RELN: variants seen among roughly 807,000 people sequenced by gnomAD.
RELN encodes the protein reelin.
A neutral mutation model predicts 427.6 loss-of-function variants in RELN; 108 were observed. The ratio of observed to expected loss-of-function variants is 0.25; its 90% CI spans 0.22 to 0.30. RELN has a LOEUF of 0.30. Ranked by LOEUF, RELN falls within the 10% of genes least tolerant of loss-of-function variation. RELN has a pLI of 1.00. For synonymous variants in RELN, 1,524 were observed against 1,513.4 expected (o/e 1.01, Z -0.16); for missense variants, 3,715 against 4,302.8 (o/e 0.86, Z 3.82).
At chr7:103,579,764 G>C (rs1584314239) in intron 28 of RELN, among the ~76,000 whole-genome samples, 1 of 152,122 alleles carries the variant, frequency 6.6e-6, no homozygotes, top group East Asian at 1.9e-4. Flanking sequence ...GGATGCCTAA[G>C]TGAATCGATT....
rs923437719 is a variant in RELN at position 103,917,611 on chromosome 7, G to A, written c.227-426C>T. On this transcript the variant is annotated intron_variant, in intron 1 of 64. Transcript: ENST00000428762. The stretch of plus-strand genomic sequence containing the variant: ...AACAACTATACATCAGCTGAAAGAA[G>A]AACAGTAAGATGAACCACATTTCTT... Among the ~76,000 whole-genome samples, 4 of 150,434 alleles carry A rather than the reference G, an allele frequency of 2.7e-5. 1 individual carries two copies. In the South Asian group the frequency reaches 6.3e-4, roughly 24 times the overall value.
chr7:103,845,959 C>T (rs1049617506), intron 2 of RELN, among the ~76,000 whole-genome samples: 1 of 152,158 alleles, frequency 6.6e-6, no homozygotes, highest in Non-Finnish European at 1.5e-5. Context: ...ACATTCCATG[C>T]TCATGGATAG....
At position 103,784,441 on chromosome 7, in the gene RELN, C is replaced by A. The variant is rs1003334203; in HGVS notation, c.474-7814G>T. On this transcript the variant is annotated intron_variant, in intron 3 of 64. Transcript: ENST00000428762. The stretch of plus-strand genomic sequence containing the variant: ...ACCTGGCGTAAGCATGTGAAAGCAT[C>A]CACATTTCGAAAACTGAATGCAGGA... 1.6e-4 allele frequency among the ~76,000 whole-genome samples: 25 copies of A among 152,128 alleles called. 1 individual carries two copies. Among genetic ancestry groups the A allele is most frequent in the Admixed American group, 1.6e-3 (25 of 15,254 alleles).
Position 103,968,134 on chromosome 7 carries a change from A to G in RELN, c.226+20997T>C, listed in dbSNP as rs1394232931. On this transcript the variant is annotated intron_variant, in intron 1 of 64. Coordinates refer to ENST00000428762, the MANE Select transcript of RELN (RefSeq NM_005045.4). This position sits in a 1 kb window ranked among gnomAD's most constrained non-coding sequence, Gnocchi z 4.3. Reference sequence around the variant, plus strand: ...ACTTGTATTTCATTGATCAAACAGAATACTTTCTACAAAGTAGGCCCTCAA... The same window carrying G: ...ACTTGTATTTCATTGATCAAACAGAGTACTTTCTACAAAGTAGGCCCTCAA... Among the ~76,000 whole-genome samples, 1 of 151,846 alleles carries G rather than the reference A, an allele frequency of 6.6e-6. No homozygotes were observed. The highest frequency in any genetic ancestry group is 1.5e-5 in the Non-Finnish European group (1 of 67,970).
intron 19 of RELN, among the ~76,000 whole-genome samples, chr7:103,630,863 T>TTTG (rs1554394461): frequency 6.0e-5 from 9 of 149,386 alleles, no homozygotes; most frequent in African/African-American, 1.2e-4. Context: ...TTTTTTTGTT[T>TTTG]TTTTTTTTTT....
chr7:103,822,245 T>C (rs1793033130), intron 3 of RELN, among the ~76,000 whole-genome samples: 1 of 152,042 alleles, frequency 6.6e-6, no homozygotes. Context: ...ACCTTCTAAA[T>C]TTTTTATTAG....
At chr7:103,678,817 G>A (rs568043351) in intron 11 of RELN, among the ~76,000 whole-genome samples, 3 of 152,086 alleles carry the variant, frequency 2.0e-5, no homozygotes, top group Non-Finnish European at 4.4e-5. Flanking sequence ...AATTCAACTG[G>A]CCACCCTTGA....
intron 46 of RELN, among the ~76,000 whole-genome samples, chr7:103,527,219 G>A (rs566308171): frequency 9.7e-4 from 147 of 152,114 alleles, no homozygotes; most frequent in African/African-American, 3.3e-3. Context: ...CCTCACTGTC[G>A]TCATCATCGT....
intron 1 of RELN, among the ~76,000 whole-genome samples, chr7:103,957,770 G>A (rs1222800783): frequency 6.6e-6 from 1 of 152,176 alleles, no homozygotes; most frequent in Non-Finnish European, 1.5e-5. Context: ...TTCCTGGATT[G>A]TTGGCTAAGT....
chr7:103,652,086 T>A (rs968143254), intron 14 of RELN, among the ~76,000 whole-genome samples: 1 of 152,038 alleles, frequency 6.6e-6, no homozygotes, highest in Non-Finnish European at 1.5e-5. Context: ...TCTCACACTG[T>A]CACTTCATCC....
Position 103,535,468 on chromosome 7 carries a change from G to A in RELN, c.7197C>T (p.Tyr2399=), listed in dbSNP as rs368769147. The A allele has an allele frequency of 7.5e-5, 121 of 1,613,930 alleles. No homozygotes were observed. In the Middle Eastern group the frequency reaches 1.2e-3, roughly 15 times the overall value. Residue 2399 remains tyrosine, a synonymous_variant, in exon 46 of 65, where the codon TAC becomes TAT. Transcript: ENST00000428762. The stretch of plus-strand genomic sequence containing the variant: ...GCCATGACAATCCAAGATCTACTGA[G>A]TATTCCAATTCAATCGCTGAAACAG... ...TDSCYAIELE[Y]SVDLGLSWHP...
intron 51 of RELN, among the ~76,000 whole-genome samples, chr7:103,509,005 G>A (rs1829308161): frequency 6.6e-6 from 1 of 151,910 alleles, no homozygotes; most frequent in Non-Finnish European, 1.5e-5. Context: ...AAGAGAGGAT[G>A]CAAACAAACA....
At chr7:103,572,761 A>G (rs774488668) in intron 30 of RELN, among the ~76,000 whole-genome samples, 1 of 152,000 alleles carries the variant, frequency 6.6e-6, no homozygotes, top group Non-Finnish European at 1.5e-5. Flanking sequence ...CGTCTCTACT[A>G]AAAATACAGT....
At chr7:103,639,138 A>G (rs549022582) in intron 17 of RELN, among the ~76,000 whole-genome samples, 1 of 152,160 alleles carries the variant, frequency 6.6e-6, no homozygotes, top group East Asian at 1.9e-4. Flanking sequence ...ATATCAGCCA[A>G]TGTTTCATAG....
chr7:103,931,271 C>A (rs1217419896), intron 1 of RELN, among the ~76,000 whole-genome samples: 1 of 152,140 alleles, frequency 6.6e-6, no homozygotes, highest in Non-Finnish European at 1.5e-5. Flanking sequence ...CAGTTTCAGG[C>A]CTTTGTTCTC....
At chr7:103,533,738 T>A (rs1265023857) in intron 46 of RELN, among the ~76,000 whole-genome samples, 1 of 147,008 alleles carries the variant, frequency 6.8e-6, no homozygotes, top group East Asian at 2.0e-4. Flanking sequence ...AAAGATAGAT[T>A]AAAAGATGAG....
chr7:103,851,080 C>G (rs189706219), intron 2 of RELN, among the ~76,000 whole-genome samples: 403 of 152,306 alleles, frequency 2.6e-3, no homozygotes, highest in African/African-American at 9.3e-3. Context: ...GGAACCAACC[C>G]AAATGCCCAT....
Position 103,565,315 on chromosome 7 carries a change from A to G in RELN, c.5173T>C (p.Trp1725Arg). Reference sequence around the variant, plus strand: ...GGAAGGTAGACAGTGATCCGCTTCCAATTCTGGAATCTTTCCGAGGTGTAA... The same window carrying G: ...GGAAGGTAGACAGTGATCCGCTTCCGATTCTGGAATCTTTCCGAGGTGTAA... ...SIYTSERFQNWKRITVYLPLS... is the reference protein window; with the variant it reads ...SIYTSERFQNRKRITVYLPLS... Residue 1725 changes from tryptophan to arginine, a missense_variant, in exon 34 of 65, where the codon TGG (tryptophan) becomes CGG (arginine). Physicochemically the swap from Trp to Arg is moderately radical, Grantham distance 101. Transcript: ENST00000428762. 1 of 1,614,174 alleles carries G rather than the reference A, an allele frequency of 6.2e-7. No homozygotes were observed. The highest frequency in any genetic ancestry group is 1.3e-5 in the African/African-American group (1 of 75,050).
At chr7:103,651,567 T>C (rs1832914284) in intron 15 of RELN, 94 bp downstream of exon 15, 1 of 1,272,536 alleles carries the variant, frequency 7.9e-7, no homozygotes, top group Admixed American at 1.7e-5. Flanking sequence ...TTCTTACCTA[T>C]TATGACAAAA....
Sources: allele counts gnomAD v4.1 joint callset (sites outside exome capture counted in the v4.1 genomes callset), GRCh38; gene constraint gnomAD v4.1.1; non-coding constraint Gnocchi (gnomAD v3.1); transcripts MANE v1.5; gene names NCBI Gene and HGNC (gene_info 2026-07-23, HGNC 2026-07-21).